Variants in OXR1 observed in about 807,000 individuals in gnomAD.
OXR1 encodes the protein oxidation resistance protein 1.
A neutral mutation model predicts 104.6 loss-of-function variants in OXR1; 41 were observed. That is an observed-to-expected ratio of 0.39 (90% CI 0.31 to 0.51). OXR1 has a LOEUF of 0.51. Ranked by LOEUF, OXR1 falls within the 20% of genes least tolerant of loss-of-function variation. The probability of loss-of-function intolerance (pLI) is 0.77; values close to 1 mark genes in which losing one functional copy is unlikely to be tolerated. For missense variants in OXR1, 955 were observed against 1,031.9 expected (o/e 0.93, Z 1.02); for synonymous variants, 348 against 348.4 (o/e 1.00, Z 0.01).
intron 2 of OXR1, among the ~76,000 whole-genome samples, chr8:106,495,684 A>G (rs1240657639): frequency 6.6e-6 from 1 of 152,232 alleles, no homozygotes; most frequent in Non-Finnish European, 1.5e-5. Flanking sequence ...ACAGCAAAGA[A>G]TTCGGTCTGA....
intron 1 of OXR1, among the ~76,000 whole-genome samples, chr8:106,318,153 A>G (rs1814052781): frequency 6.6e-6 from 1 of 152,212 alleles, no homozygotes; most frequent in South Asian, 2.1e-4. Flanking sequence ...TGTTAACAAA[A>G]TTGATTATTA....
At chr8:106,618,014 AG>A in intron 3 of OXR1, 1 of 1,499,278 alleles carries the variant, frequency 6.7e-7, no homozygotes, top group Non-Finnish European at 8.9e-7. Context: ...CACTGCCACC[AG>A]GGGTCAGGGA....
At position 106,706,734 on chromosome 8, in the gene OXR1, G is replaced by T. The variant is rs1183680989; in HGVS notation, c.1213G>T (p.Val405Phe). Residue 405 changes from valine to phenylalanine, a missense_variant, in exon 9 of 17, where the codon GTT (valine) becomes TTT (phenylalanine). By Grantham distance (50) the Val-to-Phe change is conservative. Coordinates refer to ENST00000517566, the MANE Select transcript of OXR1 (RefSeq NM_001198533.2). ...RSDTEHSTNEVGTLCHKTDLN... is the reference protein window; with the variant it reads ...RSDTEHSTNEFGTLCHKTDLN... ...TGATACTGAACATTCTACAAATGAA[G>T]TTGGGACTTTATGTCATAAAACTGA... 1 of 1,611,748 alleles carries T rather than the reference G, an allele frequency of 6.2e-7. No homozygotes were observed. Among genetic ancestry groups the T allele is most frequent in the African/African-American group, 1.3e-5 (1 of 74,756 alleles).
At chr8:106,334,011 T>A (rs1180081194) in intron 1 of OXR1, among the ~76,000 whole-genome samples, 3 of 152,178 alleles carry the variant, frequency 2.0e-5, no homozygotes, top group Non-Finnish European at 2.9e-5. Context: ...AAAAGGCAGT[T>A]GAAATTTGTG....
chr8:106,282,589 TAAAAG>T (rs908622913), intron 1 of OXR1, among the ~76,000 whole-genome samples: 7 of 152,194 alleles, frequency 4.6e-5, no homozygotes, highest in South Asian at 2.1e-4. Context: ...ACTGTATTCT[TAAAAG>T]AAAGTAAACT....
intron 11 of OXR1, among the ~76,000 whole-genome samples, chr8:106,721,140 C>A (rs1158071593): frequency 6.6e-6 from 1 of 151,844 alleles, no homozygotes; most frequent in Non-Finnish European, 1.5e-5. Context: ...TGCTGCTTGA[C>A]CACACAGGCC....
At chr8:106,357,020 G>GT (rs1554627421) in intron 1 of OXR1, among the ~76,000 whole-genome samples, 16 of 150,956 alleles carry the variant, frequency 1.1e-4, no homozygotes, top group African/African-American at 1.5e-4. Context: ...CTCGTTGATT[G>GT]TTTTTTTTTA....
chr8:106,466,607 C>A (rs1821183847), intron 2 of OXR1, among the ~76,000 whole-genome samples: 1 of 151,528 alleles, frequency 6.6e-6, no homozygotes, highest in African/African-American at 2.4e-5. Flanking sequence ...ACTTCCCCCC[C>A]AGAAGAAATA....
rs12550342 is a variant in OXR1 at position 106,738,490 on chromosome 8, G to T, written c.2037+890G>T. 1.4e-3 allele frequency among the ~76,000 whole-genome samples: 220 copies of T among 152,132 alleles called. 9 individuals are homozygous for T. The highest frequency in any genetic ancestry group is 0.014 in the Admixed American group (207 of 15,266). ...TTAAAGGAACAAAATAATTTAGCAAGAATTTCATTCCCATATAGAATCACA... is the reference window on the plus strand; with the variant it reads ...TTAAAGGAACAAAATAATTTAGCAATAATTTCATTCCCATATAGAATCACA... On this transcript the variant is annotated intron_variant, in intron 12 of 16. Coordinates refer to ENST00000517566, the MANE Select transcript of OXR1 (RefSeq NM_001198533.2).
At chr8:106,322,383 T>C (rs917664314) in intron 1 of OXR1, among the ~76,000 whole-genome samples, 3 of 152,174 alleles carry the variant, frequency 2.0e-5, no homozygotes, top group African/African-American at 7.2e-5. Context: ...AGCTGGGTAT[T>C]GAGGGAACAT....
chr8:106,287,236 TA>T (rs1468273857), intron 1 of OXR1, among the ~76,000 whole-genome samples: 4 of 152,212 alleles, frequency 2.6e-5, no homozygotes, highest in Admixed American at 6.5e-5. Flanking sequence ...GTGAAACATG[TA>T]TAAATTAGGA....
chr8:106,318,200 C>T (rs545609770), intron 1 of OXR1, among the ~76,000 whole-genome samples: 4 of 152,116 alleles, frequency 2.6e-5, no homozygotes, highest in South Asian at 2.1e-4. Flanking sequence ...AGTGTAAACA[C>T]GTACACAAAA....
At chr8:106,586,179 G>C (rs928984800) in intron 3 of OXR1, among the ~76,000 whole-genome samples, 4 of 152,170 alleles carry the variant, frequency 2.6e-5, no homozygotes, top group African/African-American at 9.7e-5. Context: ...CCATGATTCA[G>C]GTGAGAAACA....
At chr8:106,527,350 C>A (rs1413275668) in intron 3 of OXR1, among the ~76,000 whole-genome samples, 2 of 152,144 alleles carry the variant, frequency 1.3e-5, no homozygotes, top group Non-Finnish European at 2.9e-5. Flanking sequence ...CTTTGTGGAT[C>A]TGATCAAGTC....
intron 2 of OXR1, among the ~76,000 whole-genome samples, chr8:106,386,416 A>G (rs1484942786): frequency 6.6e-6 from 1 of 152,200 alleles, no homozygotes; most frequent in African/African-American, 2.4e-5. Context: ...TATAGAAATT[A>G]TCTCCTCCCT....
At chr8:106,305,660 T>C (rs1328843332) in intron 1 of OXR1, among the ~76,000 whole-genome samples, 4 of 152,136 alleles carry the variant, frequency 2.6e-5, no homozygotes, top group Non-Finnish European at 5.9e-5. Flanking sequence ...TCCTCTGCAG[T>C]GGCTGCTTCT....
intron 2 of OXR1, among the ~76,000 whole-genome samples, chr8:106,420,268 T>C (rs1818850494): frequency 6.6e-6 from 1 of 152,112 alleles, no homozygotes; most frequent in Non-Finnish European, 1.5e-5. Flanking sequence ...GTAGAATTCA[T>C]GTTCTAACAT....
chr8:106,585,891 T>C (rs1818592941), intron 3 of OXR1, among the ~76,000 whole-genome samples: 1 of 152,174 alleles, frequency 6.6e-6, no homozygotes, highest in South Asian at 2.1e-4. Flanking sequence ...AGGTACATGT[T>C]ACTAGAGTGA....
intron 1 of OXR1, among the ~76,000 whole-genome samples, chr8:106,333,067 C>T (rs191060551): frequency 2.0e-4 from 30 of 151,952 alleles, no homozygotes; most frequent in Admixed American, 7.2e-4. Flanking sequence ...AGAATAATTC[C>T]ACTTTTTGGC....
Sources: gnomAD v4.1 joint callset for allele counts (sites outside exome capture counted in the v4.1 genomes callset) on GRCh38, gnomAD v4.1.1 for gene constraint, MANE v1.5 for transcripts, NCBI Gene and HGNC (gene_info 2026-07-23, HGNC 2026-07-21) for gene names.